The following KDM4E variants were observed in gnomAD, a reference collection of about 807,000 sequenced individuals.
The protein encoded by KDM4E is lysine demethylase 4E, also known as lysine-specific demethylase 4E.
For missense variants in KDM4E, 576 were observed against 642.6 expected (o/e 0.90, Z 1.12); for synonymous variants, 229 against 232.9 (o/e 0.98, Z 0.15).
chr11:95,027,064 A>T lies in KDM4E; in HGVS notation c.1507A>T (p.Asn503Tyr), dbSNP rs188698061. 1 of 1,536,764 alleles carries T rather than the reference A, an allele frequency of 6.5e-7. No homozygotes were observed. The highest frequency in any genetic ancestry group is 1.2e-5 in the South Asian group (1 of 84,046). ...QLPLANDLMT[N>Y]LSL ...CCCGCTTGCCAATGATTTGATGACA[A>T]ATCTGTCCCTTTGAGTGGTGGCCTT... The change falls in exon 1 of 1, where the codon AAT becomes TAT. Residue 503 changes from asparagine (N) to tyrosine (Y), a missense_variant. Transcript: ENST00000450979.
Position 95,026,475 on chromosome 11 carries a change from G to A in KDM4E, c.918G>A (p.Gln306=), listed in dbSNP as rs1346370048. The part of the protein sequence containing the change: ...RWIDYGKMAS[Q]CSCGESTVTF... ...TTGATTATGGCAAAATGGCCTCTCA[G>A]TGTAGCTGTGGGGAGTCGACAGTGA... Residue 306 remains glutamine, a synonymous_variant, in exon 1 of 1, where the codon CAG becomes CAA. Transcript: ENST00000450979. 11 of 1,605,922 alleles carry A rather than the reference G, an allele frequency of 6.8e-6. No homozygotes were observed. The highest frequency in any genetic ancestry group is 9.3e-6 in the Non-Finnish European group (11 of 1,179,402).
chr11:95,027,023 G>A lies in KDM4E; in HGVS notation c.1466G>A (p.Gly489Asp), dbSNP rs1555103066. Residue 489 changes from glycine to aspartate, a missense_variant, in exon 1 of 1, where the codon GGC (glycine) becomes GAC (aspartate). Coordinates refer to ENST00000450979, the MANE Select transcript of KDM4E (RefSeq NM_001161630.1). Reference sequence around the variant, plus strand: ...ATGGGTACAAGGAGTAGAGCTCAAGGCCACAGGCCTCAGCTCCCGCTTGCC... The same window carrying A: ...ATGGGTACAAGGAGTAGAGCTCAAGACCACAGGCCTCAGCTCCCGCTTGCC... ...LLMGTRSRAQ[G>D]HRPQLPLAND... 5.2e-6 allele frequency: 8 copies of A among 1,537,198 alleles called. No individual in the cohort carries two copies. The highest frequency in any genetic ancestry group is 2.4e-5 in the East Asian group (1 of 40,906).
rs782270147 is a variant in KDM4E at position 95,025,835 on chromosome 11, T to G, written c.278T>G (p.Met93Arg). The G allele has an allele frequency of 6.3e-7, 1 of 1,594,728 alleles. No individual in the cohort carries two copies. Among genetic ancestry groups the G allele is most frequent in the Non-Finnish European group, 8.5e-7 (1 of 1,176,158 alleles). The change falls in exon 1 of 1, where the codon ATG (methionine) becomes AGG (arginine). Residue 93 changes from methionine to arginine, a missense_variant. Transcript: ENST00000450979. The part of the protein sequence containing the change: ...FTQYHKKKKA[M>R]RVGQYRRLAN... ...CAATACCATAAAAAGAAGAAAGCCA[T>G]GAGGGTGGGGCAGTATCGCCGCTTG...
Position 95,026,805 on chromosome 11 carries a change from C to G in KDM4E, c.1248C>G (p.Thr416=). The change falls in exon 1 of 1, where the codon ACC becomes ACG. Residue 416 remains threonine (T), a synonymous_variant. Coordinates refer to ENST00000450979, the MANE Select transcript of KDM4E (RefSeq NM_001161630.1). The stretch of plus-strand genomic sequence containing the variant: ...AAAGCTCTGCATATCATACCCAGAC[C>G]CAGTCACTTACCCTGGGGATGTCAG... ...AFQSSAYHTQ[T]QSLTLGMSAR... The G allele has an allele frequency of 6.5e-7, 1 of 1,537,252 alleles. No individual in the cohort carries two copies. The highest frequency in any genetic ancestry group is 8.7e-7 in the Non-Finnish European group (1 of 1,146,904).
chr11:95,026,991 C>A lies in KDM4E; in HGVS notation c.1434C>A (p.Arg478=), dbSNP rs1453511389. Residue 478 remains arginine (R), a synonymous_variant, in exon 1 of 1, where the codon CGC becomes CGA. Coordinates refer to ENST00000450979, the MANE Select transcript of KDM4E (RefSeq NM_001161630.1). ...CTGTTCAGCCTGCATCCAAGAGGCGCCTTTTAATGGGTACAAGGAGTAGAG... is the reference window on the plus strand; with the variant it reads ...CTGTTCAGCCTGCATCCAAGAGGCGACTTTTAATGGGTACAAGGAGTAGAG... ...EPTVQPASKR[R]LLMGTRSRAQ... is the part of the protein sequence containing the mutation. 21 of 1,537,222 alleles carry A rather than the reference C, an allele frequency of 1.4e-5. No individual in the cohort carries two copies. In the East Asian group the frequency reaches 4.4e-4, roughly 32 times the overall value.
rs1399750727 is a variant in KDM4E at position 95,027,392 on chromosome 11, A to G, written c.*314A>G. On this transcript the variant is annotated 3_prime_UTR_variant, in exon 1 of 1. Coordinates refer to ENST00000450979, the MANE Select transcript of KDM4E (RefSeq NM_001161630.1). ...TTACGGCTCTAGGGTTCTGACTCCA[A>G]CTAAGTTTTCCAGAATCTCCTGGGC... is the stretch of plus-strand genomic sequence containing the variant. 2 of 347,688 alleles carry G rather than the reference A, an allele frequency of 5.8e-6. No individual in the cohort carries two copies. Among genetic ancestry groups the G allele is most frequent in the East Asian group, 5.2e-5 (1 of 19,250 alleles). The allele number at this position is 347,688 out of a possible 1,614,324, so 21.5% of individuals were successfully genotyped here.
Position 95,027,263 on chromosome 11 carries a change from TTTGA to T in KDM4E, c.*188_*191del. ...TGACTCCTCCCAATGTCATTGTGCC[TTTGA>T]TTAAGTTTTCCAGGGACACTGGTGG... On this transcript the variant is annotated 3_prime_UTR_variant, in exon 1 of 1. Coordinates refer to ENST00000450979, the MANE Select transcript of KDM4E (RefSeq NM_001161630.1). The T allele has an allele frequency of 2.4e-6, 2 of 824,436 alleles. No homozygotes were observed. The highest frequency in any genetic ancestry group is 3.7e-6 in the Non-Finnish European group (2 of 545,996). 51.1% of individuals were successfully genotyped at this position (824,436 alleles called of 1,614,324 possible). A position where few individuals can be genotyped will look rare whatever the true frequency, so the allele number is the denominator to read the frequency against.
chr11:95,027,048 C>T lies in KDM4E; in HGVS notation c.1491C>T (p.Ala497=), dbSNP rs1555103069. The change falls in exon 1 of 1, where the codon GCC becomes GCT. Residue 497 remains alanine (A), a synonymous_variant. Coordinates refer to ENST00000450979, the MANE Select transcript of KDM4E (RefSeq NM_001161630.1). The part of the protein sequence containing the change: ...AQGHRPQLPL[A]NDLMTNLSL ...GCCACAGGCCTCAGCTCCCGCTTGC[C>T]AATGATTTGATGACAAATCTGTCCC... 6.5e-7 allele frequency: 1 copy of T among 1,537,170 alleles called. No homozygotes were observed. The highest frequency in any genetic ancestry group is 1.2e-5 in the South Asian group (1 of 84,052).
rs899645183 is a variant in KDM4E, at chr11:95,026,852, C to T, written c.1295C>T (p.Thr432Ile). Residue 432 changes from threonine to isoleucine, a missense_variant, in exon 1 of 1, where the codon ACT becomes ATT. Physicochemically the swap from Thr to Ile is moderately conservative, Grantham distance 89. Transcript: ENST00000450979. ...TCAGCCAGGGTTCTTCTCCCTTCCA[C>T]TGGAAGCTGGGGTTCTGGTCGTGGT... ...GMSARVLLPS[T>I]GSWGSGRGRG... 4.6e-6 allele frequency: 7 copies of T among 1,537,122 alleles called. No individual in the cohort carries two copies. In the African/African-American group the frequency reaches 9.6e-5, roughly 21 times the overall value.
chr11:95,026,295 C>A lies in KDM4E; in HGVS notation c.738C>A (p.Ile246=), dbSNP rs1555102816. 2 of 1,614,100 alleles carry A rather than the reference C, an allele frequency of 1.2e-6. No individual in the cohort carries two copies. Among genetic ancestry groups the A allele is most frequent in the South Asian group, 1.1e-5 (1 of 91,084 alleles). The change falls in exon 1 of 1, where the codon ATC becomes ATA. Residue 246 remains isoleucine, a synonymous_variant. Transcript: ENST00000450979. ...TCCTGCGGCACAAAGTGGCCCTCAT[C>A]TCGCCTACAGTTCTCAAGGAAAATG... The part of the protein sequence containing the change: ...EAFLRHKVAL[I]SPTVLKENGI...
chr11:95,026,342 C>T lies in KDM4E; in HGVS notation c.785C>T (p.Thr262Ile). The change falls in exon 1 of 1, where the codon ACT becomes ATT. Residue 262 changes from threonine (T) to isoleucine (I), a missense_variant. Physicochemically the swap from Thr to Ile is moderately conservative, Grantham distance 89. Coordinates refer to ENST00000450979, the MANE Select transcript of KDM4E (RefSeq NM_001161630.1). ...AATGGGATTCCCTTCAATTGCATGA[C>T]TCAGGAGGCTGGGGAGTTCATGGTG... is the stretch of plus-strand genomic sequence containing the variant. Reference protein sequence around the residue: ...KENGIPFNCMTQEAGEFMVTF... With the variant: ...KENGIPFNCMIQEAGEFMVTF... 6 of 1,614,142 alleles carry T rather than the reference C, an allele frequency of 3.7e-6. No individual in the cohort carries two copies. The highest frequency in any genetic ancestry group is 5.1e-6 in the Non-Finnish European group (6 of 1,180,034).
rs1376165610 is a variant in KDM4E at position 95,025,510 on chromosome 11, T to TA, written c.-47dup. On this transcript the variant is annotated 5_prime_UTR_variant, in exon 1 of 1. Coordinates refer to ENST00000450979, the MANE Select transcript of KDM4E (RefSeq NM_001161630.1). ...TTACTCCCCAGAACTCTCAGGCATCTAGAGGACACCCAAGAACGTGGGAGT... is the reference window on the plus strand; with the variant it reads ...TTACTCCCCAGAACTCTCAGGCATCTAAGAGGACACCCAAGAACGTGGGAGT... 1.3e-6 allele frequency: 2 copies of TA among 1,491,156 alleles called. No homozygotes were observed. Among genetic ancestry groups the TA allele is most frequent in the African/African-American group, 2.8e-5 (2 of 71,520 alleles). 92.4% of individuals were successfully genotyped at this position (1,491,156 alleles called of 1,614,324 possible).
Position 95,027,146 on chromosome 11 carries a change from G to A in KDM4E, c.*68G>A, listed in dbSNP as rs1226931439. On this transcript the variant is annotated 3_prime_UTR_variant, in exon 1 of 1. Transcript: ENST00000450979. ...GTGTCCCTGATCTTCAACTCCTGGGGCCCCCACTGGATCGTGATGAAACCA... is the reference window on the plus strand; with the variant it reads ...GTGTCCCTGATCTTCAACTCCTGGGACCCCCACTGGATCGTGATGAAACCA... The A allele has an allele frequency of 2.0e-6, 3 of 1,501,450 alleles. No homozygotes were observed. Among genetic ancestry groups the A allele is most frequent in the Non-Finnish European group, 2.7e-6 (3 of 1,130,566 alleles). The allele number at this position is 1,501,450 out of a possible 1,614,324, so 93.0% of individuals were successfully genotyped here.
Position 95,025,527 on chromosome 11 carries a change from C to A in KDM4E, c.-31C>A. 6.6e-7 allele frequency: 1 copy of A among 1,507,180 alleles called. No homozygotes were observed. Among genetic ancestry groups the A allele is most frequent in the Non-Finnish European group, 8.9e-7 (1 of 1,128,124 alleles). The allele number at this position is 1,507,180 out of a possible 1,614,324, so 93.4% of individuals were successfully genotyped here. On this transcript the variant is annotated 5_prime_UTR_variant, in exon 1 of 1. Transcript: ENST00000450979. Reference sequence around the variant, plus strand: ...CAGGCATCTAGAGGACACCCAAGAACGTGGGAGTCAGCTGCTTCTTGTGTG... The same window carrying A: ...CAGGCATCTAGAGGACACCCAAGAAAGTGGGAGTCAGCTGCTTCTTGTGTG...
In KDM4E at chr11:95,026,818, C is replaced by T. The variant is rs1412767484; in HGVS notation, c.1261C>T (p.Leu421=). The part of the protein sequence containing the change: ...AYHTQTQSLT[L]GMSARVLLPS... ...TCATACCCAGACCCAGTCACTTACC[C>T]TGGGGATGTCAGCCAGGGTTCTTCT... Residue 421 remains leucine, a synonymous_variant, in exon 1 of 1, where the codon CTG becomes TTG. Coordinates refer to ENST00000450979, the MANE Select transcript of KDM4E (RefSeq NM_001161630.1). 1.4e-5 allele frequency: 22 copies of T among 1,537,238 alleles called. No homozygotes were observed. Among genetic ancestry groups the T allele is most frequent in the East Asian group, 2.4e-5 (1 of 40,914 alleles).
rs782522593 is a variant in KDM4E, at chr11:95,025,675, G to A, written c.118G>A (p.Ala40Thr). ...TYVAYMESQG[A>T]HQAGLAKVIP... is the part of the protein sequence containing the mutation. ...TGTTGCTTACATGGAGTCCCAAGGC[G>A]CACATCAAGCTGGCCTTGCCAAGGT... Residue 40 changes from alanine (A) to threonine (T), a missense_variant, in exon 1 of 1, where the codon GCA becomes ACA. Transcript: ENST00000450979. The A allele has an allele frequency of 1.3e-4, 200 of 1,550,036 alleles. 1 individual carries two copies. The highest frequency in any genetic ancestry group is 4.8e-4 in the African/African-American group (35 of 73,220).
Position 95,025,517 on chromosome 11 carries a change from C to T in KDM4E, c.-41C>T, listed in dbSNP as rs545912413. The T allele has an allele frequency of 6.7e-7, 1 of 1,495,130 alleles. No homozygotes were observed. The allele number at this position is 1,495,130 out of a possible 1,614,324, so 92.6% of individuals were successfully genotyped here. A position where few individuals can be genotyped will look rare whatever the true frequency, so the allele number is the denominator to read the frequency against. On this transcript the variant is annotated 5_prime_UTR_variant, in exon 1 of 1. Coordinates refer to ENST00000450979, the MANE Select transcript of KDM4E (RefSeq NM_001161630.1). ...CCAGAACTCTCAGGCATCTAGAGGA[C>T]ACCCAAGAACGTGGGAGTCAGCTGC...
rs543451010 is a variant in KDM4E, at chr11:95,026,065, G to A, written c.508G>A (p.Glu170Lys). ...LLEQECGVVI[E>K]GVNTPYLYFG... ...GGAGCAGGAATGTGGGGTTGTCATC[G>A]AGGGTGTCAACACACCCTACCTGTA... Residue 170 changes from glutamate (E) to lysine (K), a missense_variant, in exon 1 of 1, where the codon GAG becomes AAG. Coordinates refer to ENST00000450979, the MANE Select transcript of KDM4E (RefSeq NM_001161630.1). 278 of 1,613,222 alleles carry A rather than the reference G, an allele frequency of 1.7e-4. No individual in the cohort carries two copies. In the African/African-American group the frequency reaches 3.3e-3, roughly 19 times the overall value.
rs781821299 is a variant in KDM4E, at chr11:95,026,867, C to CTGGTCG, written c.1328_1333dup (p.Arg443_Gly444dup). 1.2e-4 allele frequency: 191 copies of CTGGTCG among 1,537,056 alleles called. No individual in the cohort carries two copies. The highest frequency in any genetic ancestry group is 1.8e-4 in the African/African-American group (13 of 73,012). On this transcript the variant is annotated inframe_insertion, in exon 1 of 1. Coordinates refer to ENST00000450979, the MANE Select transcript of KDM4E (RefSeq NM_001161630.1). ...CTCCCTTCCACTGGAAGCTGGGGTT[C>CTGGTCG]TGGTCGTGGTCGTGGTCGTGGTCAA...
Sources: allele counts gnomAD v4.1 joint callset, GRCh38; gene constraint gnomAD v4.1.1; transcripts MANE v1.5; gene names NCBI Gene and HGNC (gene_info 2026-07-23, HGNC 2026-07-21).